PLD5: variants seen among roughly 807,000 people sequenced by gnomAD.
The protein encoded by PLD5 is inactive phospholipase D5.
In PLD5, 36 loss-of-function variants were observed where a neutral mutation model predicts 61.1. The observed-to-expected ratio is 0.59, with a 90% CI of 0.45 to 0.78. The LOEUF is 0.78. PLD5 is among the 30% of genes least tolerant of loss of function. The pLI, the probability that PLD5 is intolerant of heterozygous loss-of-function variation, is 0.00. For synonymous variants in PLD5, 243 were observed against 242.8 expected, an observed-to-expected ratio of 1.00 and a Z score of -0.01; for missense variants, 515 against 644.4, an observed-to-expected ratio of 0.80 and a Z score of 2.17.
chr1:242,301,568 T>C (rs1264222976), intron 2 of PLD5, among the ~76,000 whole-genome samples: 1 of 152,080 alleles, frequency 6.6e-6, no homozygotes, highest in Non-Finnish European at 1.5e-5. Context: ...TTTAGACCCT[T>C]ATCAGCCTGG....
intron 1 of PLD5, among the ~76,000 whole-genome samples, chr1:242,406,208 G>C (rs1664226818): frequency 6.6e-6 from 1 of 152,130 alleles, no homozygotes; most frequent in Non-Finnish European, 1.5e-5. Flanking sequence ...TCAATGCCAG[G>C]TGTCATGTCT....
intron 1 of PLD5, among the ~76,000 whole-genome samples, chr1:242,518,795 C>T (rs1050259186): frequency 6.6e-5 from 10 of 152,044 alleles, no homozygotes; most frequent in Admixed American, 6.6e-4. Flanking sequence ...CAAGCCACAC[C>T]CAAGAGAGTT....
At chr1:242,316,840 CTACTTA>C (rs138669217) in intron 2 of PLD5, among the ~76,000 whole-genome samples, 27,137 of 151,896 alleles carry the variant, frequency 0.18, 2,767 homozygotes, top group East Asian at 0.39. Flanking sequence ...CATTTAGCTC[CTACTTA>C]TAAGTGAGAA....
intron 1 of PLD5, among the ~76,000 whole-genome samples, chr1:242,416,953 T>C (rs1217972441): frequency 2.0e-5 from 3 of 152,108 alleles, no homozygotes; most frequent in Non-Finnish European, 2.9e-5. Flanking sequence ...TATACAGCAG[T>C]GATCACAACA....
At chr1:242,170,620 G>A (rs957974237) in intron 5 of PLD5, among the ~76,000 whole-genome samples, 1 of 152,166 alleles carries the variant, frequency 6.6e-6, no homozygotes, top group Non-Finnish European at 1.5e-5. Flanking sequence ...AGCTAAAGGA[G>A]CATGTTCTAA....
In PLD5 at chr1:242,256,758, CTATCTATCTAT is replaced by C. The variant is rs2149090810; in HGVS notation, c.607+8568_607+8578del. The stretch of plus-strand genomic sequence containing the variant: ...TGAACTAAGACTATCATCTATCTAT[CTATCTATCTAT>C]CTATCTATCTATCTATCTATCTATC... On this transcript the variant is annotated intron_variant, in intron 4 of 9. Coordinates refer to ENST00000536534, the MANE Select transcript of PLD5 (RefSeq NM_001372062.1). This position sits in a 1 kb window ranked among gnomAD's most constrained non-coding sequence, Gnocchi z 5.7. Among the ~76,000 whole-genome samples, 1 of 128,170 alleles carries C rather than the reference CTATCTATCTAT, an allele frequency of 7.8e-6. No homozygotes were observed. The highest frequency in any genetic ancestry group is 7.4e-5 in the Admixed American group (1 of 13,534). 84.1% of individuals were successfully genotyped at this position (128,170 alleles called of 152,430 possible).
intron 1 of PLD5, among the ~76,000 whole-genome samples, chr1:242,516,686 T>C (rs1669115342): frequency 6.6e-6 from 1 of 152,198 alleles, no homozygotes; most frequent in African/African-American, 2.4e-5. Flanking sequence ...GATCCATTTG[T>C]TTATCCTTGC....
chr1:242,209,584 C>A (rs1440996924), intron 5 of PLD5, among the ~76,000 whole-genome samples: 2 of 152,330 alleles, frequency 1.3e-5, no homozygotes, highest in East Asian at 3.9e-4. Context: ...GGCAACAGCA[C>A]AACCTGCACC....
At chr1:242,214,871 C>CTTTTTTTTTTTTTT (rs71570942) in intron 5 of PLD5, among the ~76,000 whole-genome samples, 1 of 92,482 alleles carries the variant, frequency 1.1e-5, no homozygotes, top group Non-Finnish European at 1.9e-5. Flanking sequence ...CATTAAACAC[C>CTTTTTTTTTTTTTT]TTTTTTTTTT....
chr1:242,351,995 C>T (rs2580206), intron 1 of PLD5, among the ~76,000 whole-genome samples: 1 of 152,128 alleles, frequency 6.6e-6, no homozygotes, highest in East Asian at 1.9e-4. Context: ...TGATTTTTTA[C>T]AATATCGGTA....
At chr1:242,247,096 G>A (rs563139805) in intron 4 of PLD5, among the ~76,000 whole-genome samples, 1 of 151,276 alleles carries the variant, frequency 6.6e-6, no homozygotes, top group East Asian at 1.9e-4. Context: ...CCATTCTCCT[G>A]CCTCAGCCTC....
intron 5 of PLD5, among the ~76,000 whole-genome samples, chr1:242,151,496 T>C (rs1463473530): frequency 1.3e-5 from 2 of 152,046 alleles, no homozygotes; most frequent in Non-Finnish European, 2.9e-5. Flanking sequence ...TGTTTTCTGG[T>C]TTGCAGAGCA....
At chr1:242,388,830 C>G (rs972777346) in intron 1 of PLD5, among the ~76,000 whole-genome samples, 2 of 152,014 alleles carry the variant, frequency 1.3e-5, no homozygotes, top group African/African-American at 4.8e-5. Flanking sequence ...GTGGCGGGGG[C>G]CTGTAATCCC....
chr1:242,364,071 A>G (rs1661211770), intron 1 of PLD5, among the ~76,000 whole-genome samples: 1 of 152,054 alleles, frequency 6.6e-6, no homozygotes, highest in Admixed American at 6.6e-5. Context: ...TTACAATGGT[A>G]AAGGGGTAAA....
chr1:242,296,527 A>G (rs553623171), intron 2 of PLD5, among the ~76,000 whole-genome samples: 2 of 152,338 alleles, frequency 1.3e-5, no homozygotes, highest in Admixed American at 1.3e-4. Flanking sequence ...CTCGCTACCT[A>G]TGTGGCAGAT....
chr1:242,166,552 TCCGAAAC>T (rs1666319937), intron 5 of PLD5, among the ~76,000 whole-genome samples: 1 of 152,194 alleles, frequency 6.6e-6, no homozygotes, highest in Non-Finnish European at 1.5e-5. Context: ...ATCATTCGAC[TCCGAAAC>T]CCGAAACAAA....
At chr1:242,123,074 A>G (rs1662510177) in intron 6 of PLD5, among the ~76,000 whole-genome samples, 1 of 152,204 alleles carries the variant, frequency 6.6e-6, no homozygotes, top group Non-Finnish European at 1.5e-5. Context: ...CTGGGTGGGG[A>G]CAGGGGACAC....
At chr1:242,319,478 G>A (rs1658245148) in intron 2 of PLD5, among the ~76,000 whole-genome samples, 1 of 151,844 alleles carries the variant, frequency 6.6e-6, no homozygotes, top group Admixed American at 6.6e-5. Flanking sequence ...ACTCTCTAAG[G>A]CAAAGGGGAA....
At chr1:242,149,740 C>G (rs528088045) in intron 5 of PLD5, among the ~76,000 whole-genome samples, 1 of 151,474 alleles carries the variant, frequency 6.6e-6, no homozygotes, top group Non-Finnish European at 1.5e-5. Context: ...TCTGTTTCAT[C>G]TAAATCATCA....
Sources: allele counts gnomAD v4.1 joint callset (sites outside exome capture counted in the v4.1 genomes callset), GRCh38; gene constraint gnomAD v4.1.1; non-coding constraint Gnocchi (gnomAD v3.1); transcripts MANE v1.5; gene names NCBI Gene and HGNC (gene_info 2026-07-23, HGNC 2026-07-21).